Variants in TENM3 observed in about 807,000 individuals in gnomAD.
TENM3 encodes the protein teneurin transmembrane protein 3, also known as teneurin-3.
A neutral mutation model predicts 255.1 loss-of-function variants in TENM3; 63 were observed. That is an observed-to-expected ratio of 0.25 (90% CI 0.20 to 0.30). TENM3 has a LOEUF of 0.30. Ranked by LOEUF, TENM3 falls within the 10% of genes least tolerant of loss-of-function variation. The pLI is 1.00. For missense variants in TENM3, 2,929 were observed against 3,461.1 expected (o/e 0.85, Z 3.86); for synonymous variants, 1,306 against 1,322.3 (o/e 0.99, Z 0.27).
At chr4:182,251,436 C>T (rs1461885550) in intron 1 of TENM3, among the ~76,000 whole-genome samples, 1 of 152,206 alleles carries the variant, frequency 6.6e-6, no homozygotes, top group Non-Finnish European at 1.5e-5. Context: ...CCACTGAACT[C>T]CAGCCTGGGT....
chr4:182,100,482 CA>C, the TENM3 span, among the ~76,000 whole-genome samples: 1 of 121,336 alleles, frequency 8.2e-6, no homozygotes, highest in African/African-American at 3.1e-5. Flanking sequence ...CACACACACA[CA>C]TATATATATA....
the TENM3 span, among the ~76,000 whole-genome samples, chr4:182,030,794 C>A: frequency 6.6e-6 from 1 of 152,152 alleles, no homozygotes. Context: ...ATGCATTACT[C>A]TAATGATCAG....
the TENM3 span, among the ~76,000 whole-genome samples, chr4:181,970,082 G>C: frequency 6.6e-6 from 1 of 152,104 alleles, no homozygotes; most frequent in African/African-American, 2.4e-5. Flanking sequence ...AACTATAGTT[G>C]ATAGCTTTCA....
At chr4:182,428,130 G>C (rs983721408) in intron 3 of TENM3, among the ~76,000 whole-genome samples, 6 of 152,124 alleles carry the variant, frequency 3.9e-5, no homozygotes, top group Non-Finnish European at 7.3e-5. Flanking sequence ...CAAAGGTGTG[G>C]AGAAAACCAA....
At chr4:181,535,936 A>G in the TENM3 span, among the ~76,000 whole-genome samples, 1 of 152,024 alleles carries the variant, frequency 6.6e-6, no homozygotes, top group African/African-American at 2.4e-5. Flanking sequence ...AATGAGAGGT[A>G]TTTTCTCCTA....
chr4:181,602,369 T>C, the TENM3 span, among the ~76,000 whole-genome samples: 1 of 152,250 alleles, frequency 6.6e-6, no homozygotes, highest in African/African-American at 2.4e-5. Context: ...TTTGCATTTC[T>C]CTGGTTCCTT....
At chr4:181,915,456 A>C in the TENM3 span, among the ~76,000 whole-genome samples, 15 of 152,272 alleles carry the variant, frequency 9.9e-5, no homozygotes, top group African/African-American at 3.4e-4. Context: ...AGATATTTTA[A>C]TGGAGTTTTG....
the TENM3 span, among the ~76,000 whole-genome samples, chr4:181,575,955 G>T: frequency 6.8e-6 from 1 of 147,366 alleles, no homozygotes; most frequent in Non-Finnish European, 1.5e-5. Context: ...GTTTTGCTTT[G>T]TTAGGTTTTT....
chr4:181,937,231 T>C, the TENM3 span, among the ~76,000 whole-genome samples: 94 of 152,242 alleles, frequency 6.2e-4, no homozygotes, highest in African/African-American at 2.2e-3. Flanking sequence ...GTAGAGGAGG[T>C]AGCCTGAGAT....
chr4:182,419,416 TTGG>T (rs1233296961), intron 3 of TENM3, among the ~76,000 whole-genome samples: 2 of 152,316 alleles, frequency 1.3e-5, no homozygotes, highest in East Asian at 3.9e-4. Flanking sequence ...TTTTACACTG[TTGG>T]TGGGAGTGTA....
At chr4:181,838,869 T>G in the TENM3 span, among the ~76,000 whole-genome samples, 1 of 151,964 alleles carries the variant, frequency 6.6e-6, no homozygotes, top group Non-Finnish European at 1.5e-5. Flanking sequence ...GTTTTCATTT[T>G]TATTTTACTT....
intron 3 of TENM3, among the ~76,000 whole-genome samples, chr4:182,400,965 G>T (rs1769181412): frequency 6.6e-6 from 1 of 152,190 alleles, no homozygotes; most frequent in Admixed American, 6.5e-5. Flanking sequence ...AAATATAAAT[G>T]TGGAGCAACC....
chr4:182,236,885 G>A (rs1166308953), intron 1 of TENM3, among the ~76,000 whole-genome samples: 2 of 152,192 alleles, frequency 1.3e-5, no homozygotes, highest in Non-Finnish European at 2.9e-5. Flanking sequence ...AGGACATGCA[G>A]TTTTGGTACA....
chr4:181,939,594 G>A, the TENM3 span, among the ~76,000 whole-genome samples: 18 of 152,214 alleles, frequency 1.2e-4, no homozygotes, highest in Non-Finnish European at 5.9e-5. Flanking sequence ...GACCTCTTCC[G>A]TGATCTGTTT....
the TENM3 span, among the ~76,000 whole-genome samples, chr4:181,585,160 C>T: frequency 6.6e-6 from 1 of 151,768 alleles, no homozygotes; most frequent in Non-Finnish European, 1.5e-5. Flanking sequence ...CATATTTCAA[C>T]TAAAAAAAAA....
At chr4:181,472,381 C>A in the TENM3 span, among the ~76,000 whole-genome samples, 1 of 151,960 alleles carries the variant, frequency 6.6e-6, no homozygotes, top group African/African-American at 2.4e-5. Context: ...GACCTGGGGG[C>A]AAATTGTCAT....
chr4:182,574,204 T>A (rs1488241518), intron 3 of TENM3, among the ~76,000 whole-genome samples: 1 of 152,152 alleles, frequency 6.6e-6, no homozygotes, highest in East Asian at 1.9e-4. Context: ...ATGCCTCTTT[T>A]CAATCTTTTA....
rs941044823 is a variant in TENM3, at chr4:182,375,434, T to C, written c.511+28505T>C. Among the ~76,000 whole-genome samples, 10 of 152,358 alleles carry C rather than the reference T, an allele frequency of 6.6e-5. No individual in the cohort carries two copies. In the East Asian group the frequency reaches 1.9e-3, roughly 29 times the overall value. ...AGGAATTCAGAGAGAAACTTAGTCT[T>C]AGGCAGAGAAAGGTTTTTATTTTCC... On this transcript the variant is annotated intron_variant, in intron 3 of 27. Transcript: ENST00000511685.
At chr4:181,580,329 C>T in the TENM3 span, among the ~76,000 whole-genome samples, 3 of 152,086 alleles carry the variant, frequency 2.0e-5, no homozygotes, top group African/African-American at 4.8e-5. Flanking sequence ...AGGGAGCACA[C>T]GGTGGTGGCT....
Sources: gnomAD v4.1 joint callset for allele counts (sites outside exome capture counted in the v4.1 genomes callset) on GRCh38, gnomAD v4.1.1 for gene constraint, MANE v1.5 for transcripts, NCBI Gene and HGNC (gene_info 2026-07-23, HGNC 2026-07-21) for gene names.